Variants in SDK1 observed in about 807,000 individuals in gnomAD.
SDK1 encodes the protein protein sidekick-1.
A neutral mutation model predicts 245.5 loss-of-function variants in SDK1; 157 were observed. That is an observed-to-expected ratio of 0.64 (90% CI 0.56 to 0.73). The LOEUF (loss-of-function observed/expected upper bound fraction) is 0.73, where lower values mean the gene tolerates loss of function less well. SDK1 is among the 30% of genes least tolerant of loss of function. The probability of loss-of-function intolerance (pLI) is 0.00; values close to 1 mark genes in which losing one functional copy is unlikely to be tolerated. For missense variants in SDK1, 3,583 were observed against 3,002.3 expected (o/e 1.19, Z -4.52); for synonymous variants, 1,647 against 1,278.5 (o/e 1.29, Z -6.15).
intron 17 of SDK1, among the ~76,000 whole-genome samples, chr7:4,048,070 A>T (rs1789150146): frequency 6.6e-6 from 1 of 152,066 alleles, no homozygotes; most frequent in Admixed American, 6.5e-5. Flanking sequence ...GGCCAAGTTT[A>T]TGTTTGTCTC....
Position 4,161,799 on chromosome 7 carries a change from C to T in SDK1, c.4743C>T (p.Pro1581=), listed in dbSNP as rs1230096041. The T allele has an allele frequency of 1.2e-6, 2 of 1,614,064 alleles. No individual in the cohort carries two copies. The highest frequency in any genetic ancestry group is 1.7e-6 in the Non-Finnish European group (2 of 1,179,932). Residue 1581 remains proline (P), a synonymous_variant, in exon 32 of 45, where the codon CCC becomes CCT. Transcript: ENST00000404826. ...VTTLQDVPGE[P]PGSVSATPHT... ...TGTGTGTTTCAGTTCCAGGAGAGCC[C>T]CCGGGATCTGTCTCAGCGACGCCAC...
chr7:3,725,391 A>G (rs556787157), intron 4 of SDK1, among the ~76,000 whole-genome samples: 55 of 152,178 alleles, frequency 3.6e-4, no homozygotes, highest in Non-Finnish European at 7.1e-4. Flanking sequence ...AGGACCTGTT[A>G]AGTAATCCTC....
intron 1 of SDK1, among the ~76,000 whole-genome samples, chr7:3,340,494 G>C (rs1369583787): frequency 6.6e-6 from 1 of 152,122 alleles, no homozygotes; most frequent in African/African-American, 2.4e-5. Context: ...CAGGTATGGT[G>C]GCTCACGCCT....
At chr7:3,901,485 G>T (rs76190295) in intron 5 of SDK1, among the ~76,000 whole-genome samples, 8 of 152,112 alleles carry the variant, frequency 5.3e-5, no homozygotes, top group Non-Finnish European at 1.0e-4. Flanking sequence ...GTTAACTATC[G>T]TAATGACCCC....
In SDK1 at chr7:4,067,918, A is replaced by T; in HGVS notation, c.2992A>T (p.Lys998Ter). The change falls in exon 20 of 45, where the codon AAA becomes TAA. Residue 998 changes from lysine to a stop codon, truncating the protein, a stop_gained. Transcript: ENST00000404826. LOFTEE classifies it high-confidence loss of function. ...LKVSWQEPLE[K>*]NGIITGYQIS... ...GGTCAGCTGGCAGGAGCCCCTGGAG[A>T]AAAATGGCATCATTACTGGTAAGTA... 1 of 1,611,028 alleles carries T rather than the reference A, an allele frequency of 6.2e-7. No homozygotes were observed. Among genetic ancestry groups the T allele is most frequent in the Non-Finnish European group, 8.5e-7 (1 of 1,178,078 alleles).
chr7:4,197,774 C>G (rs1405844310), intron 35 of SDK1, among the ~76,000 whole-genome samples: 5 of 152,220 alleles, frequency 3.3e-5, no homozygotes, highest in Non-Finnish European at 7.3e-5. Context: ...CACTTGCTGT[C>G]TGGCGCAGGC....
At chr7:3,531,099 A>G (rs1019603434) in intron 1 of SDK1, among the ~76,000 whole-genome samples, 34 of 152,202 alleles carry the variant, frequency 2.2e-4, no homozygotes, top group African/African-American at 8.2e-4. Flanking sequence ...ACAAGATTTG[A>G]CTAATATGAA....
chr7:4,129,854 G>A lies in SDK1; in HGVS notation c.3940-54G>A, dbSNP rs200560536. 5.3e-4 allele frequency: 843 copies of A among 1,604,434 alleles called. 7 individuals are homozygous for A. The highest frequency in any genetic ancestry group is 3.8e-4 in the East Asian group (17 of 44,696). Reference sequence around the variant, plus strand: ...AAGGGGGCCTGCCCCATGCCACGGCGGTCCCTCCTGGCACCCGCCTCCTGA... The same window carrying A: ...AAGGGGGCCTGCCCCATGCCACGGCAGTCCCTCCTGGCACCCGCCTCCTGA... On this transcript the variant is annotated intron_variant, in intron 26 of 44. Transcript: ENST00000404826.
chr7:4,009,107 A>C (rs1785731730), intron 14 of SDK1, among the ~76,000 whole-genome samples: 1 of 152,192 alleles, frequency 6.6e-6, no homozygotes, highest in Non-Finnish European at 1.5e-5. Flanking sequence ...TAGCCACCCT[A>C]GTGGGTATTA....
chr7:3,586,161 G>T (rs968176159), intron 1 of SDK1, among the ~76,000 whole-genome samples: 2 of 151,928 alleles, frequency 1.3e-5, no homozygotes, highest in African/African-American at 2.4e-5. Context: ...CTAACTCTCA[G>T]TGAAGTGTGC....
At chr7:3,538,696 G>T (rs1056393201) in intron 1 of SDK1, among the ~76,000 whole-genome samples, 1 of 152,146 alleles carries the variant, frequency 6.6e-6, no homozygotes, top group African/African-American at 2.4e-5. Context: ...CTACTTCTGT[G>T]CCAGGCTTAG....
intron 4 of SDK1, among the ~76,000 whole-genome samples, chr7:3,754,143 T>C (rs1362620030): frequency 1.3e-5 from 2 of 152,230 alleles, no homozygotes; most frequent in African/African-American, 4.8e-5. Flanking sequence ...AAGTTGGCTC[T>C]TGGAGAGGTT....
intron 17 of SDK1, among the ~76,000 whole-genome samples, chr7:4,028,759 G>C (rs1787559585): frequency 6.6e-6 from 1 of 152,212 alleles, no homozygotes; most frequent in African/African-American, 2.4e-5. Flanking sequence ...TCCCTGTCAA[G>C]ATGAATGAGA....
At chr7:3,831,767 T>A (rs1007017349) in intron 5 of SDK1, among the ~76,000 whole-genome samples, 1 of 151,932 alleles carries the variant, frequency 6.6e-6, no homozygotes, top group African/African-American at 2.4e-5. Flanking sequence ...AAAAAAAAAA[T>A]TAATCACCCG....
intron 1 of SDK1, among the ~76,000 whole-genome samples, chr7:3,541,918 A>G (rs1188277159): frequency 6.6e-6 from 1 of 152,242 alleles, no homozygotes; most frequent in Non-Finnish European, 1.5e-5. Flanking sequence ...CTTTAAGAGA[A>G]GAAGGACTAG....
At chr7:4,254,951 CGTCATACCCAGCA>C (rs1305878333) in intron 44 of SDK1, among the ~76,000 whole-genome samples, 1 of 152,162 alleles carries the variant, frequency 6.6e-6, no homozygotes, top group African/African-American at 2.4e-5. Flanking sequence ...CCATGATTGG[CGTCATACCCAGCA>C]GTTAACCTCC....
Position 4,223,855 on chromosome 7 carries a change from C to T in SDK1, c.5827+2491C>T, listed in dbSNP as rs565743218. ...TCCAGGAGTACTTTCGTATGACTTC[C>T]CCGCCATTGCAGATATTTCACAATG... On this transcript the variant is annotated intron_variant, in intron 40 of 44. Transcript: ENST00000404826. 2.6e-5 allele frequency among the ~76,000 whole-genome samples: 4 copies of T among 152,274 alleles called. No homozygotes were observed. In the South Asian group the frequency reaches 8.3e-4, roughly 32 times the overall value.
intron 1 of SDK1, among the ~76,000 whole-genome samples, chr7:3,347,736 C>T (rs1045891927): frequency 6.6e-6 from 1 of 152,110 alleles, no homozygotes; most frequent in Non-Finnish European, 1.5e-5. Flanking sequence ...CTTCTGGGTA[C>T]CATTTTAGTA....
Position 3,782,488 on chromosome 7 carries a change from A to T in SDK1, c.714-38962A>T, listed in dbSNP as rs115339109. Among the ~76,000 whole-genome samples, 173 of 152,308 alleles carry T rather than the reference A, an allele frequency of 1.1e-3. 1 individual carries two copies. The highest frequency in any genetic ancestry group is 4.0e-3 in the African/African-American group (168 of 41,574). Reference sequence around the variant, plus strand: ...GAAGCAGAGTTCTCCAATCAAATTCAACCCATAGAAGAGTTTACCAAGGCA... The same window carrying T: ...GAAGCAGAGTTCTCCAATCAAATTCTACCCATAGAAGAGTTTACCAAGGCA... On this transcript the variant is annotated intron_variant, in intron 4 of 44. Transcript: ENST00000404826.
Sources: allele counts gnomAD v4.1 joint callset (sites outside exome capture counted in the v4.1 genomes callset), GRCh38; gene constraint gnomAD v4.1.1; transcripts MANE v1.5; gene names NCBI Gene and HGNC (gene_info 2026-07-23, HGNC 2026-07-21).